DACH1: variants seen among roughly 807,000 people sequenced by gnomAD.
DACH1 encodes the protein dachshund family transcription factor 1.
DACH1 carries 12 observed loss-of-function variants against 54.2 expected under a neutral mutation model. That is an observed-to-expected ratio of 0.22 (90% CI 0.14 to 0.36). The LOEUF (loss-of-function observed/expected upper bound fraction) is 0.36, where lower values mean the gene tolerates loss of function less well. Ranked by LOEUF, DACH1 falls within the 10% of genes least tolerant of loss-of-function variation. The pLI, the probability that DACH1 is intolerant of heterozygous loss-of-function variation, is 1.00. For missense variants in DACH1, 805 were observed against 929.8 expected, an observed-to-expected ratio of 0.87 and a Z score of 1.75; for synonymous variants, 386 against 366.2, an observed-to-expected ratio of 1.05 and a Z score of -0.62.
At chr13:71,814,598 T>C (rs1887838728) in intron 1 of DACH1, among the ~76,000 whole-genome samples, 1 of 152,194 alleles carries the variant, frequency 6.6e-6, no homozygotes, top group African/African-American at 2.4e-5. Context: ...TTGGATTAAA[T>C]CAATGCAATT....
At chr13:71,838,647 AT>A (rs1566534529) in intron 1 of DACH1, among the ~76,000 whole-genome samples, 1 of 152,170 alleles carries the variant, frequency 6.6e-6, no homozygotes, top group Non-Finnish European at 1.5e-5. Context: ...TTTTGAAGCA[AT>A]TTTAGTTTGT....
At position 71,483,779 on chromosome 13, in the gene DACH1, C is replaced by A. The variant is rs867278613; in HGVS notation, c.1723-4463G>T. On this transcript the variant is annotated intron_variant, in intron 7 of 10. Transcript: ENST00000613252. Reference sequence around the variant, plus strand: ...ATTATAATATCATATTTTTACTGTACCTTTTCTATGTTTAGACACACAAAT... The same window carrying A: ...ATTATAATATCATATTTTTACTGTAACTTTTCTATGTTTAGACACACAAAT... Among the ~76,000 whole-genome samples the A allele has an allele frequency of 3.0e-4, 45 of 151,934 alleles. 1 individual carries two copies. Among genetic ancestry groups the A allele is most frequent in the African/African-American group, 1.0e-3 (43 of 41,456 alleles).
At chr13:71,777,304 G>C (rs1886103701) in intron 1 of DACH1, among the ~76,000 whole-genome samples, 1 of 151,982 alleles carries the variant, frequency 6.6e-6, no homozygotes, top group Non-Finnish European at 1.5e-5. Flanking sequence ...CTGGCTCTTA[G>C]CGTGTCTCCA....
intron 1 of DACH1, among the ~76,000 whole-genome samples, chr13:71,802,329 A>G (rs1453969578): frequency 6.6e-6 from 1 of 152,136 alleles, no homozygotes; most frequent in African/African-American, 2.4e-5. Flanking sequence ...CTGAGTCACA[A>G]GCAGTGGCTA....
At position 71,500,769 on chromosome 13, in the gene DACH1, G is replaced by A. The variant is rs143372274; in HGVS notation, c.1571-11621C>T. Among the ~76,000 whole-genome samples the A allele has an allele frequency of 4.4e-3, 672 of 152,054 alleles. 4 individuals are homozygous for A. Among genetic ancestry groups the A allele is most frequent in the Non-Finnish European group, 7.5e-3 (510 of 67,986 alleles). On this transcript the variant is annotated intron_variant, in intron 6 of 10. Transcript: ENST00000613252. ...GGCCACCCACAAATATACATATATA[G>A]ACTGAACTCTGGCCTTTTTTTTTCT...
At chr13:71,701,796 CATG>C (rs1882148792) in intron 1 of DACH1, among the ~76,000 whole-genome samples, 1 of 152,062 alleles carries the variant, frequency 6.6e-6, no homozygotes, top group African/African-American at 2.4e-5. Context: ...ATTCAGATTT[CATG>C]ATGAGGTGTG....
intron 10 of DACH1, among the ~76,000 whole-genome samples, chr13:71,474,877 T>C (rs559023393): frequency 5.9e-5 from 9 of 152,260 alleles, no homozygotes; most frequent in Non-Finnish European, 1.0e-4. Context: ...GCACATTTAC[T>C]GTGTCCAAGA....
chr13:71,781,387 TTTA>T (rs1320230843), intron 1 of DACH1, among the ~76,000 whole-genome samples: 52 of 150,266 alleles, frequency 3.5e-4, no homozygotes, highest in African/African-American at 1.1e-3. Context: ...TATTTATTTA[TTTA>T]TTTTTTGAGA....
intron 1 of DACH1, among the ~76,000 whole-genome samples, chr13:71,700,575 AAAAAAAAAAAGAG>A (rs1882076585): frequency 9.6e-6 from 1 of 104,226 alleles, no homozygotes; most frequent in African/African-American, 3.6e-5. Context: ...CAAAAAAAAA[AAAAAAAAAAAGAG>A]AGAGAGAGAG....
chr13:71,858,155 A>T (rs1874124659), intron 1 of DACH1, among the ~76,000 whole-genome samples: 1 of 151,700 alleles, frequency 6.6e-6, no homozygotes, highest in East Asian at 1.9e-4. Flanking sequence ...ATGCTTCTGT[A>T]TGTTTCCATA....
In DACH1 at chr13:71,573,025, C is replaced by T; in HGVS notation, c.1127-13G>A. On this transcript the variant is annotated splice_polypyrimidine_tract_variant and intron_variant, in intron 3 of 10. Transcript: ENST00000613252. ...GGAAGTTCCAGTCCTATAAAAAATG[C>T]ACATATATCATCATTGCTCTGGAGG... 1 of 1,611,352 alleles carries T rather than the reference C, an allele frequency of 6.2e-7. No homozygotes were observed. The highest frequency in any genetic ancestry group is 8.5e-7 in the Non-Finnish European group (1 of 1,178,544).
chr13:71,472,321 G>C (rs755134092), intron 10 of DACH1, among the ~76,000 whole-genome samples: 5 of 152,098 alleles, frequency 3.3e-5, no homozygotes, highest in Non-Finnish European at 7.4e-5. Context: ...CTACTTTCTT[G>C]ATTCCTCTTG....
intron 3 of DACH1, among the ~76,000 whole-genome samples, chr13:71,616,738 A>ATC (rs1875796202): frequency 6.6e-6 from 1 of 152,098 alleles, no homozygotes; most frequent in Admixed American, 6.5e-5. Context: ...CCTGTCTCTA[A>ATC]AATGAACAAA....
chr13:71,514,745 T>C (rs9542714), intron 6 of DACH1, among the ~76,000 whole-genome samples: 134,948 of 151,812 alleles, frequency 0.89, 61,729 homozygotes, highest in Non-Finnish European at 0.99. Flanking sequence ...TCTAAAAAAA[T>C]TCTTGCCTAT....
intron 3 of DACH1, among the ~76,000 whole-genome samples, chr13:71,586,434 G>A (rs1234800769): frequency 1.3e-5 from 2 of 152,082 alleles, no homozygotes; most frequent in African/African-American, 4.8e-5. Flanking sequence ...GGTGCAAAGT[G>A]TATATCACAC....
At chr13:71,485,919 G>A (rs117778983) in intron 7 of DACH1, among the ~76,000 whole-genome samples, 5,087 of 151,614 alleles carry the variant, frequency 0.034, 108 homozygotes, top group Middle Eastern at 0.08. Flanking sequence ...CAGGAATTCA[G>A]TATAGCTCAA....
At chr13:71,845,980 T>A (rs745528771) in intron 1 of DACH1, 33 of 174,738 alleles carry the variant, frequency 1.9e-4, no homozygotes, top group Non-Finnish European at 3.4e-4. Flanking sequence ...TAAAAGAAAA[T>A]ACGTCTGGAA....
intron 1 of DACH1, among the ~76,000 whole-genome samples, chr13:71,804,146 C>CT (rs1178311093): frequency 6.6e-6 from 1 of 151,976 alleles, no homozygotes; most frequent in Non-Finnish European, 1.5e-5. Context: ...TAGCAAGACT[C>CT]TAACTCTACA....
At chr13:71,529,331 C>T (rs746569938) in intron 6 of DACH1, among the ~76,000 whole-genome samples, 1 of 151,626 alleles carries the variant, frequency 6.6e-6, no homozygotes, top group Non-Finnish European at 1.5e-5. Flanking sequence ...GGACTGTGGG[C>T]GCTTGACACC....
Sources: gnomAD v4.1 joint callset for allele counts (sites outside exome capture counted in the v4.1 genomes callset) on GRCh38, gnomAD v4.1.1 for gene constraint, MANE v1.5 for transcripts, NCBI Gene and HGNC (gene_info 2026-07-23, HGNC 2026-07-21) for gene names.